The following PALLD variants were observed in gnomAD, a reference collection of about 807,000 sequenced individuals.
PALLD encodes the protein palladin, cytoskeletal associated protein.
PALLD carries 61 observed loss-of-function variants against 123.5 expected under a neutral mutation model. That is an observed-to-expected ratio of 0.49 (90% confidence interval 0.40 to 0.61). The LOEUF (loss-of-function observed/expected upper bound fraction) is 0.61, where lower values mean the gene tolerates loss of function less well. Among genes scored for constraint, PALLD ranks in the 20% least tolerant of loss-of-function variants. PALLD has a pLI of 0.00. For missense variants in PALLD, 1,273 were observed against 1,377.0 expected (o/e 0.92, Z 1.20); for synonymous variants, 465 against 496.4 (o/e 0.94, Z 0.84).
At chr4:168,527,062 G>A (rs1329888903) in intron 2 of PALLD, among the ~76,000 whole-genome samples, 3 of 152,136 alleles carry the variant, frequency 2.0e-5, no homozygotes, top group Non-Finnish European at 4.4e-5. Context: ...GCTGCTTGTG[G>A]CATTTGTCTC....
chr4:168,620,319 G>A (rs1243588964), intron 2 of PALLD, among the ~76,000 whole-genome samples: 20 of 152,148 alleles, frequency 1.3e-4, no homozygotes, highest in Admixed American at 1.3e-3. Context: ...CCCAGGCGTG[G>A]TGGCACGCTC....
At chr4:168,631,554 TC>T (rs1775808046) in intron 2 of PALLD, 1 of 952,690 alleles carries the variant, frequency 1.0e-6, no homozygotes, top group Admixed American at 6.2e-5. Flanking sequence ...CCTCTCCCCC[TC>T]CCCAGCAGCC....
At chr4:168,746,349 C>A (rs1200661159) in intron 10 of PALLD, among the ~76,000 whole-genome samples, 1 of 133,400 alleles carries the variant, frequency 7.5e-6, no homozygotes, top group Admixed American at 8.5e-5. Context: ...CCACTGCACT[C>A]CAGCCTGGGC....
At chr4:168,846,451 G>A (rs1016610479) in intron 10 of PALLD, among the ~76,000 whole-genome samples, 61 of 152,064 alleles carry the variant, frequency 4.0e-4, no homozygotes, top group African/African-American at 1.4e-3. Flanking sequence ...AGATGAGAAC[G>A]GCATGGAATT....
chr4:168,871,650 C>A (rs932355345), intron 10 of PALLD, among the ~76,000 whole-genome samples: 5 of 152,158 alleles, frequency 3.3e-5, no homozygotes, highest in African/African-American at 1.2e-4. Context: ...TTTTCACTGG[C>A]CTTCGCATCA....
At chr4:168,594,861 A>G (rs1771820964) in intron 2 of PALLD, among the ~76,000 whole-genome samples, 1 of 152,178 alleles carries the variant, frequency 6.6e-6, no homozygotes. Context: ...GATCAAGAAC[A>G]AGGTTAACAT....
chr4:168,620,190 C>T (rs991402607), intron 2 of PALLD, among the ~76,000 whole-genome samples: 1 of 152,228 alleles, frequency 6.6e-6, no homozygotes, highest in African/African-American at 2.4e-5. Flanking sequence ...GGCCCAGTGG[C>T]TCACGCCTGT....
At chr4:168,625,502 G>GATAGATAGATAGATAGATAGATATAT in intron 2 of PALLD, among the ~76,000 whole-genome samples, 7 of 114,428 alleles carry the variant, frequency 6.1e-5, no homozygotes, top group Admixed American at 2.1e-4. Context: ...ATATCCAGGA[G>GATAGATAGATAGATAGATAGATATAT]ATATATATAT....
intron 10 of PALLD, among the ~76,000 whole-genome samples, chr4:168,716,099 C>T (rs1025382940): frequency 9.2e-5 from 14 of 152,218 alleles, no homozygotes; most frequent in South Asian, 2.1e-4. Flanking sequence ...TCACCTCCTA[C>T]GGCAGATCCA....
At chr4:168,664,364 G>T (rs1447109487) in intron 2 of PALLD, among the ~76,000 whole-genome samples, 1 of 152,224 alleles carries the variant, frequency 6.6e-6, no homozygotes, top group African/African-American at 2.4e-5. Flanking sequence ...TTAAGACAAT[G>T]AATGCATTTT....
rs1196539730 is a variant in PALLD at position 168,545,392 on chromosome 4, G to A, written c.908+32980G>A. Among the ~76,000 whole-genome samples the A allele has an allele frequency of 2.0e-5, 3 of 152,062 alleles. 1 individual carries two copies. In the South Asian group the frequency reaches 6.2e-4, roughly 32 times the overall value. ...AAGTATAAAAAAATTAGCCGGGCGA[G>A]GTGGCAGGTGCCTGTAATCCCAGCT... is the stretch of plus-strand genomic sequence containing the variant. On this transcript the variant is annotated intron_variant, in intron 2 of 21. Transcript: ENST00000505667.
chr4:168,706,943 A>G (rs1449314208), intron 8 of PALLD, among the ~76,000 whole-genome samples: 2 of 152,352 alleles, frequency 1.3e-5, no homozygotes, highest in East Asian at 1.9e-4. Context: ...ATTCGATTAT[A>G]AAGAGAAACA....
At chr4:168,726,848 A>C (rs1786642606) in intron 10 of PALLD, among the ~76,000 whole-genome samples, 1 of 151,944 alleles carries the variant, frequency 6.6e-6, no homozygotes, top group South Asian at 2.1e-4. Context: ...TGTAGTATCC[A>C]ATAGGTAGTT....
chr4:168,622,013 T>C (rs1774810436), intron 2 of PALLD, among the ~76,000 whole-genome samples: 1 of 152,214 alleles, frequency 6.6e-6, no homozygotes. Context: ...TGTAAACAGA[T>C]GGTGCTGCTA....
At chr4:168,589,092 T>C (rs1386869226) in intron 2 of PALLD, among the ~76,000 whole-genome samples, 1 of 152,234 alleles carries the variant, frequency 6.6e-6, no homozygotes, top group African/African-American at 2.4e-5. Context: ...ACTGTACTGG[T>C]TCGTCAGAGC....
chr4:168,514,144 A>T (rs1762783189), intron 2 of PALLD, among the ~76,000 whole-genome samples: 1 of 152,046 alleles, frequency 6.6e-6, no homozygotes, highest in Non-Finnish European at 1.5e-5. Context: ...ACTGAAAATT[A>T]TTTGATTTGG....
intron 2 of PALLD, among the ~76,000 whole-genome samples, chr4:168,523,527 G>T (rs565090413): frequency 2.9e-4 from 44 of 152,246 alleles, no homozygotes; most frequent in African/African-American, 9.6e-4. Context: ...CAAAGACCAA[G>T]AATTCTCCAT....
intron 2 of PALLD, among the ~76,000 whole-genome samples, chr4:168,667,130 T>C (rs1327390686): frequency 1.3e-5 from 2 of 152,208 alleles, no homozygotes; most frequent in Non-Finnish European, 2.9e-5. Context: ...ATTTGCTTTA[T>C]TAACTTTATT....
chr4:168,813,895 C>A (rs1741540415), intron 10 of PALLD, among the ~76,000 whole-genome samples: 1 of 152,162 alleles, frequency 6.6e-6, no homozygotes, highest in African/African-American at 2.4e-5. Flanking sequence ...GGAACCTTCT[C>A]CCCACATCTC....
Sources: allele counts gnomAD v4.1 joint callset (sites outside exome capture counted in the v4.1 genomes callset), GRCh38; gene constraint gnomAD v4.1.1; transcripts MANE v1.5; gene names NCBI Gene and HGNC (gene_info 2026-07-23, HGNC 2026-07-21).